GPBP1: variants seen among roughly 807,000 people sequenced by gnomAD.
GPBP1 encodes the protein vasculin.
A neutral mutation model predicts 56.5 loss-of-function variants in GPBP1; 13 were observed. That is an observed-to-expected ratio of 0.23 (90% confidence interval 0.15 to 0.37). The LOEUF (loss-of-function observed/expected upper bound fraction) is 0.37, where lower values mean the gene tolerates loss of function less well. GPBP1 is among the 10% of genes least tolerant of loss of function. GPBP1 has a pLI of 1.00. For synonymous variants in GPBP1, 204 were observed against 188.9 expected, an observed-to-expected ratio of 1.08 and a Z score of -0.66; for missense variants, 477 against 572.3, an observed-to-expected ratio of 0.83 and a Z score of 1.70.
At chr5:57,261,525 C>CCA (rs1421205237) in intron 11 of GPBP1, among the ~76,000 whole-genome samples, 2 of 152,102 alleles carry the variant, frequency 1.3e-5, no homozygotes, top group African/African-American at 4.8e-5. Context: ...CAGGCAGGAA[C>CCA]CACTGCACCT....
At chr5:57,242,735 C>A (rs1320805017) in intron 6 of GPBP1, among the ~76,000 whole-genome samples, 1 of 152,100 alleles carries the variant, frequency 6.6e-6, no homozygotes, top group Non-Finnish European at 1.5e-5. Flanking sequence ...TTTGAGCCAC[C>A]ATGCCTGGCC....
chr5:57,249,582 T>C lies in GPBP1; in HGVS notation c.972+6T>C, dbSNP rs747661738. 3 of 1,596,980 alleles carry C rather than the reference T, an allele frequency of 1.9e-6. No homozygotes were observed. Among genetic ancestry groups the C allele is most frequent in the South Asian group, 1.1e-5 (1 of 88,700 alleles). The stretch of plus-strand genomic sequence containing the variant: ...GCCGTGCTGGCTCAGAGAAGGTAAT[T>C]GAATTTATAGCAATACTTGATTTGA... On this transcript the variant is annotated splice_donor_region_variant and intron_variant, in intron 9 of 11. Transcript: ENST00000506184.
At chr5:57,251,240 C>T in intron 10 of GPBP1, 99 bp downstream of exon 10, 2 of 999,518 alleles carry the variant, frequency 2.0e-6, no homozygotes, top group Non-Finnish European at 2.9e-6. Context: ...TGGAATACAA[C>T]TTACGCCATA....
At chr5:57,191,888 T>C (rs1361570639) in intron 2 of GPBP1, among the ~76,000 whole-genome samples, 1 of 152,086 alleles carries the variant, frequency 6.6e-6, no homozygotes, top group Non-Finnish European at 1.5e-5. Context: ...GGCTTTGAAA[T>C]ATATGAGCAG....
At chr5:57,183,348 CAA>C (rs1025354711) in intron 2 of GPBP1, among the ~76,000 whole-genome samples, 4 of 152,282 alleles carry the variant, frequency 2.6e-5, no homozygotes, top group Admixed American at 6.5e-5. Context: ...GCCTGGGTGA[CAA>C]GAGTAAAAAC....
intron 2 of GPBP1, among the ~76,000 whole-genome samples, chr5:57,193,419 C>T (rs1754612272): frequency 6.6e-6 from 1 of 151,730 alleles, no homozygotes; most frequent in Non-Finnish European, 1.5e-5. Flanking sequence ...TTGAGACCAG[C>T]TTGGGCAACA....
intron 10 of GPBP1, among the ~76,000 whole-genome samples, chr5:57,257,034 G>T (rs1421494182): frequency 9.3e-5 from 14 of 150,442 alleles, no homozygotes; most frequent in Non-Finnish European, 1.5e-4. Context: ...GATAGTTTTT[G>T]TTTTTGTTTT....
chr5:57,199,564 C>CT (rs1399562855), intron 2 of GPBP1, among the ~76,000 whole-genome samples: 3 of 151,798 alleles, frequency 2.0e-5, no homozygotes, highest in East Asian at 3.9e-4. Context: ...CTTTATTATA[C>CT]TTTAAGTTCT....
intron 3 of GPBP1, among the ~76,000 whole-genome samples, chr5:57,221,928 G>A (rs963526671): frequency 3.3e-5 from 5 of 152,176 alleles, no homozygotes; most frequent in African/African-American, 1.2e-4. Context: ...AAACTTCTGT[G>A]GAGAAGGTTT....
chr5:57,194,349 A>C (rs1366309653), intron 2 of GPBP1, among the ~76,000 whole-genome samples: 2 of 152,174 alleles, frequency 1.3e-5, no homozygotes, highest in Non-Finnish European at 2.9e-5. Context: ...GAGGTGTATC[A>C]GACCTTTTTG....
intron 2 of GPBP1, among the ~76,000 whole-genome samples, chr5:57,201,611 T>G (rs1337978610): frequency 6.6e-6 from 1 of 152,212 alleles, no homozygotes; most frequent in Non-Finnish European, 1.5e-5. Flanking sequence ...AAGAAACACC[T>G]AGGGTAGCCG....
intron 3 of GPBP1, among the ~76,000 whole-genome samples, chr5:57,227,584 T>G (rs1265719462): frequency 2.0e-5 from 3 of 152,200 alleles, no homozygotes; most frequent in Non-Finnish European, 4.4e-5. Flanking sequence ...TAAGCAACAT[T>G]GAGGGACAAA....
At chr5:57,253,714 T>A (rs1320696122) in intron 10 of GPBP1, among the ~76,000 whole-genome samples, 1 of 152,240 alleles carries the variant, frequency 6.6e-6, no homozygotes, top group East Asian at 1.9e-4. Context: ...TTATTTCTAA[T>A]TTTTTCAAAT....
rs982947324 is a variant in GPBP1, at chr5:57,264,519, AT to A, written c.*1769del. On this transcript the variant is annotated 3_prime_UTR_variant, in exon 12 of 12. Transcript: ENST00000506184. Reference sequence around the variant, plus strand: ...ACTGTGTTTTCTACTTTCAGAAAAGATTCTGTAGTTTTGGTTTTTGGCATCT... The same window carrying A: ...ACTGTGTTTTCTACTTTCAGAAAAGATCTGTAGTTTTGGTTTTTGGCATCT... 3.3e-5 allele frequency: 5 copies of A among 152,160 alleles called. No homozygotes were observed. The highest frequency in any genetic ancestry group is 1.2e-4 in the African/African-American group (5 of 41,450). 9.4% of individuals were successfully genotyped at this position (152,160 alleles called of 1,614,324 possible). A position where few individuals can be genotyped will look rare whatever the true frequency, so the allele number is the denominator to read the frequency against.
chr5:57,192,227 C>T (rs904203022), intron 2 of GPBP1, among the ~76,000 whole-genome samples: 1 of 151,994 alleles, frequency 6.6e-6, no homozygotes, highest in Non-Finnish European at 1.5e-5. Flanking sequence ...GAGCTGGGTG[C>T]CTTAATTTTT....
chr5:57,217,121 AG>A (rs1304387420), intron 3 of GPBP1, among the ~76,000 whole-genome samples: 2 of 152,188 alleles, frequency 1.3e-5, no homozygotes, highest in Non-Finnish European at 1.5e-5. Context: ...CTTTTTTGAT[AG>A]ATTATATGCC....
chr5:57,235,959 C>A lies in GPBP1; in HGVS notation c.412-7C>A, dbSNP rs767445123. On this transcript the variant is annotated splice_polypyrimidine_tract_variant and splice_region_variant and intron_variant, in intron 5 of 11. Coordinates refer to ENST00000506184, the MANE Select transcript of GPBP1 (RefSeq NM_022913.4). ...AATGTGAAATGTTTATTCCAACTTT[C>A]TTCCAGCCGTCTTTAAATCCTGAGT... The A allele has an allele frequency of 1.9e-6, 3 of 1,599,926 alleles. No homozygotes were observed. Among genetic ancestry groups the A allele is most frequent in the Non-Finnish European group, 2.6e-6 (3 of 1,168,008 alleles).
chr5:57,258,997 A>G (rs1741779275), intron 10 of GPBP1, among the ~76,000 whole-genome samples: 2 of 152,238 alleles, frequency 1.3e-5, no homozygotes, highest in African/African-American at 4.8e-5. Context: ...TCTAGATTTA[A>G]TAGTCTCTGT....
At chr5:57,219,998 C>G (rs1182772952) in intron 3 of GPBP1, among the ~76,000 whole-genome samples, 1 of 150,172 alleles carries the variant, frequency 6.7e-6, no homozygotes, top group Non-Finnish European at 1.5e-5. Flanking sequence ...TTGTAGTGAG[C>G]TGAGATCGTG....
Sources: gnomAD v4.1 joint callset for allele counts (sites outside exome capture counted in the v4.1 genomes callset) on GRCh38, gnomAD v4.1.1 for gene constraint, MANE v1.5 for transcripts, NCBI Gene and HGNC (gene_info 2026-07-23, HGNC 2026-07-21) for gene names.